SHLD2: variants seen among roughly 807,000 people sequenced by gnomAD.
SHLD2 encodes shieldin complex subunit 2, also known as RINN1-REV7-interacting novel NHEJ regulator 2.
Under a neutral mutation model 73.2 loss-of-function variants are expected in SHLD2, and 30 were observed. The ratio of observed to expected loss-of-function variants is 0.41; its 90% CI spans 0.31 to 0.56. SHLD2 has a LOEUF of 0.56. Among genes scored for constraint, SHLD2 ranks in the 20% least tolerant of loss-of-function variants. The pLI, the probability that SHLD2 is intolerant of heterozygous loss-of-function variation, is 0.28. For synonymous variants in SHLD2, 285 were observed against 370.1 expected (o/e 0.77, Z 2.64); for missense variants, 745 against 1,055.9 (o/e 0.71, Z 4.08).
intron 2 of SHLD2, among the ~76,000 whole-genome samples, chr10:87,135,573 G>A (rs931079126): frequency 1.3e-5 from 2 of 151,896 alleles, no homozygotes; most frequent in Non-Finnish European, 2.9e-5. Context: ...GCTCACTGCA[G>A]CCTTGAACTC....
chr10:87,147,100 T>C (rs1280533840), intron 2 of SHLD2, among the ~76,000 whole-genome samples: 4 of 150,576 alleles, frequency 2.7e-5, no homozygotes, highest in South Asian at 2.1e-4. Context: ...AAAAAAACCT[T>C]GTGTTTTATG....
chr10:87,123,119 G>A (rs1310279194), intron 2 of SHLD2, among the ~76,000 whole-genome samples: 7 of 152,130 alleles, frequency 4.6e-5, no homozygotes, highest in Non-Finnish European at 1.0e-4. Context: ...CACCATGTTG[G>A]CTAGGCTGGT....
At chr10:87,176,159 T>A in intron 7 of SHLD2, 64 bp downstream of exon 7, 1 of 1,544,044 alleles carries the variant, frequency 6.5e-7, no homozygotes, top group Non-Finnish European at 8.7e-7. Context: ...TCTTGCTCTG[T>A]TGCTCAGGCT....
intron 2 of SHLD2, among the ~76,000 whole-genome samples, chr10:87,122,467 A>G (rs1314207246): frequency 1.3e-5 from 2 of 152,122 alleles, no homozygotes; most frequent in Non-Finnish European, 2.9e-5. Flanking sequence ...GCCTGAAGCC[A>G]TGGTTTTTAG....
chr10:87,179,692 C>T (rs576671012), intron 7 of SHLD2, among the ~76,000 whole-genome samples: 32 of 152,266 alleles, frequency 2.1e-4, no homozygotes, highest in African/African-American at 7.0e-4. Flanking sequence ...TGAGCCACTG[C>T]GCCCGGCCCC....
chr10:87,127,387 AACT>A (rs1844081121), intron 2 of SHLD2, among the ~76,000 whole-genome samples: 1 of 151,676 alleles, frequency 6.6e-6, no homozygotes, highest in African/African-American at 2.4e-5. Flanking sequence ...AAAGTATAAA[AACT>A]ACTGAGTAGT....
intron 2 of SHLD2, among the ~76,000 whole-genome samples, chr10:87,103,655 G>A (rs1842408810): frequency 6.6e-6 from 1 of 152,160 alleles, no homozygotes; most frequent in Non-Finnish European, 1.5e-5. Context: ...TAGTGAGCAT[G>A]CTTTAACAAA....
chr10:87,144,470 T>TTC (rs1845429626), intron 2 of SHLD2, among the ~76,000 whole-genome samples: 1 of 152,120 alleles, frequency 6.6e-6, no homozygotes, highest in Admixed American at 6.5e-5. Context: ...GGCTATTACT[T>TTC]TGAGATACTA....
intron 2 of SHLD2, among the ~76,000 whole-genome samples, chr10:87,103,714 G>A (rs566950421): frequency 1.9e-4 from 29 of 152,250 alleles, no homozygotes; most frequent in African/African-American, 5.8e-4. Context: ...AATCTTCAGG[G>A]TTTGTAGTCT....
intron 2 of SHLD2, among the ~76,000 whole-genome samples, chr10:87,147,073 A>C (rs1387116476): frequency 3.3e-5 from 4 of 121,180 alleles, no homozygotes; most frequent in African/African-American, 7.2e-5. Flanking sequence ...AAAAAAAAAG[A>C]AAAAAAAAAA....
chr10:87,125,755 C>T (rs909271657), intron 2 of SHLD2, among the ~76,000 whole-genome samples: 4 of 149,276 alleles, frequency 2.7e-5, no homozygotes, highest in Admixed American at 6.7e-5. Flanking sequence ...AATAAATAAA[C>T]AATAAAAATA....
At chr10:87,168,560 C>CT (rs961376723) in intron 4 of SHLD2, among the ~76,000 whole-genome samples, 1 of 146,972 alleles carries the variant, frequency 6.8e-6, no homozygotes, top group Non-Finnish European at 1.5e-5. Context: ...GATTGTGCCA[C>CT]TGCATTCCAG....
intron 2 of SHLD2, among the ~76,000 whole-genome samples, chr10:87,147,948 C>G (rs1845740332): frequency 6.6e-6 from 1 of 151,652 alleles, no homozygotes; most frequent in Admixed American, 6.6e-5. Flanking sequence ...ACTTCTGCCT[C>G]CTGGGTTCAA....
At chr10:87,142,442 C>G (rs1315231390) in intron 2 of SHLD2, among the ~76,000 whole-genome samples, 1 of 152,214 alleles carries the variant, frequency 6.6e-6, no homozygotes, top group Non-Finnish European at 1.5e-5. Flanking sequence ...ACTCCCTCCA[C>G]TACCTGCAGT....
chr10:87,106,301 G>A (rs912992616), intron 2 of SHLD2, among the ~76,000 whole-genome samples: 22 of 152,316 alleles, frequency 1.4e-4, no homozygotes, highest in African/African-American at 5.1e-4. Context: ...CACTGTTCCC[G>A]GCCAGAAGGA....
At chr10:87,098,967 G>C (rs540656919) in intron 2 of SHLD2, among the ~76,000 whole-genome samples, 89 of 152,156 alleles carry the variant, frequency 5.8e-4, no homozygotes, top group African/African-American at 2.1e-3. Flanking sequence ...GTAGAGGTGG[G>C]GTTTCACTAT....
chr10:87,134,728 G>T, intron 2 of SHLD2, among the ~76,000 whole-genome samples: 1 of 152,324 alleles, frequency 6.6e-6, no homozygotes, highest in African/African-American at 2.4e-5. Flanking sequence ...CTGCAGGCAG[G>T]GGAAGAGCTA....
At chr10:87,139,602 C>T (rs1845036620) in intron 2 of SHLD2, among the ~76,000 whole-genome samples, 1 of 152,184 alleles carries the variant, frequency 6.6e-6, no homozygotes. Flanking sequence ...TATGGTGACT[C>T]ACGCCTACAC....
At chr10:87,144,071 G>C (rs1428694450) in intron 2 of SHLD2, among the ~76,000 whole-genome samples, 2 of 151,974 alleles carry the variant, frequency 1.3e-5, no homozygotes, top group African/African-American at 2.4e-5. Flanking sequence ...CGTCGTGTTA[G>C]CCAGGATGGT....
Sources: allele counts gnomAD v4.1 joint callset (sites outside exome capture counted in the v4.1 genomes callset), GRCh38; gene constraint gnomAD v4.1.1; transcripts MANE v1.5; gene names NCBI Gene and HGNC (gene_info 2026-07-23, HGNC 2026-07-21).